SSBP2: variants seen among roughly 807,000 people sequenced by gnomAD.
The protein encoded by SSBP2 is single stranded DNA binding protein 2.
SSBP2 carries 17 observed loss-of-function variants against 61.8 expected under a neutral mutation model. That is an observed-to-expected ratio of 0.28 (90% confidence interval 0.19 to 0.41). The LOEUF (loss-of-function observed/expected upper bound fraction) is 0.41. Ranked by LOEUF, SSBP2 falls within the 10% of genes least tolerant of loss-of-function variation. The pLI is 1.00. For synonymous variants in SSBP2, 139 were observed against 141.3 expected (o/e 0.98, Z 0.12); for missense variants, 310 against 458.7 (o/e 0.68, Z 2.96).
chr5:81,566,325 G>C (rs1773420614), intron 4 of SSBP2, among the ~76,000 whole-genome samples: 1 of 152,150 alleles, frequency 6.6e-6, no homozygotes, highest in African/African-American at 2.4e-5. Flanking sequence ...CACCTGGTAG[G>C]AGATAACTGA....
rs149889970 is a variant in SSBP2 at position 81,687,766 on chromosome 5, C to G, written c.63-37427G>C. On this transcript the variant is annotated intron_variant, in intron 1 of 16. Transcript: ENST00000320672. ...ACATCCTGGGCCTGTAGGGAACCCACTGTCTTGAAGGGAAGAACCCAGTCT... is the reference window on the plus strand; with the variant it reads ...ACATCCTGGGCCTGTAGGGAACCCAGTGTCTTGAAGGGAAGAACCCAGTCT... Among the ~76,000 whole-genome samples, 604 of 152,290 alleles carry G rather than the reference C, an allele frequency of 4.0e-3. 13 individuals are homozygous for G. Among genetic ancestry groups the G allele is most frequent in the Admixed American group, 0.035 (531 of 15,292 alleles).
At chr5:81,689,813 C>T (rs1227449259) in intron 1 of SSBP2, among the ~76,000 whole-genome samples, 1 of 152,010 alleles carries the variant, frequency 6.6e-6, no homozygotes. Context: ...AATATTGTGA[C>T]ACTGTAATTG....
At chr5:81,636,303 C>A (rs1372217093) in intron 3 of SSBP2, among the ~76,000 whole-genome samples, 1 of 152,056 alleles carries the variant, frequency 6.6e-6, no homozygotes. Context: ...TTATGGCATC[C>A]CAAGCCGTTA....
intron 5 of SSBP2, among the ~76,000 whole-genome samples, chr5:81,509,603 T>G (rs1226394749): frequency 6.6e-6 from 1 of 152,172 alleles, no homozygotes; most frequent in African/African-American, 2.4e-5. Flanking sequence ...TTTTTTAAAT[T>G]TTTGGTACTT....
intron 12 of SSBP2, among the ~76,000 whole-genome samples, chr5:81,444,629 G>A (rs1215196654): frequency 6.6e-6 from 1 of 152,072 alleles, no homozygotes. Context: ...TCACACACAA[G>A]ATTAACTTTA....
intron 6 of SSBP2, among the ~76,000 whole-genome samples, chr5:81,486,264 C>T (rs1408236670): frequency 2.6e-5 from 4 of 152,174 alleles, no homozygotes; most frequent in South Asian, 2.1e-4. Context: ...AATACCTGTT[C>T]GTAAAATTTG....
intron 1 of SSBP2, among the ~76,000 whole-genome samples, chr5:81,655,510 G>C (rs1373530848): frequency 6.6e-6 from 1 of 152,032 alleles, no homozygotes; most frequent in African/African-American, 2.4e-5. Context: ...TTTTAAACTG[G>C]ATATCAGTGA....
At chr5:81,489,219 A>T (rs770645440) in intron 6 of SSBP2, 31 bp downstream of exon 6, 1 of 1,562,608 alleles carries the variant, frequency 6.4e-7, no homozygotes, top group Non-Finnish European at 8.8e-7. Context: ...TTTGATTCTT[A>T]CAAAAAACTT....
At chr5:81,662,034 G>C (rs1750737647) in intron 1 of SSBP2, among the ~76,000 whole-genome samples, 1 of 151,898 alleles carries the variant, frequency 6.6e-6, no homozygotes, top group Non-Finnish European at 1.5e-5. Flanking sequence ...ATGAGATGAG[G>C]GTCTAATTTC....
chr5:81,456,364 T>C (rs889788583), intron 10 of SSBP2, among the ~76,000 whole-genome samples: 1 of 151,764 alleles, frequency 6.6e-6, no homozygotes, highest in African/African-American at 2.4e-5. Context: ...TTTTTTTTTT[T>C]TCATGTGGCT....
chr5:81,657,213 T>A (rs1581267140), intron 1 of SSBP2, among the ~76,000 whole-genome samples: 1 of 152,298 alleles, frequency 6.6e-6, no homozygotes, highest in East Asian at 1.9e-4. Context: ...TCCTTTTATA[T>A]CCCAGCAATT....
At chr5:81,579,587 C>T (rs574536935) in intron 4 of SSBP2, among the ~76,000 whole-genome samples, 1 of 152,282 alleles carries the variant, frequency 6.6e-6, no homozygotes, top group East Asian at 1.9e-4. Flanking sequence ...TTAGCTGCTT[C>T]TGTCCTCATC....
At chr5:81,637,446 C>T (rs989242707) in intron 2 of SSBP2, among the ~76,000 whole-genome samples, 4 of 152,174 alleles carry the variant, frequency 2.6e-5, no homozygotes, top group Non-Finnish European at 5.9e-5. Flanking sequence ...AAACACTCAG[C>T]GTGCTTTTAA....
In SSBP2 at chr5:81,424,728, G is replaced by A. The variant is rs79959215; in HGVS notation, c.1056+3857C>T. On this transcript the variant is annotated intron_variant, in intron 16 of 16. Transcript: ENST00000320672. ...GAATGGGCAAGCAAAAAGGAATTTT[G>A]CTATAGATTACTATTCTTCAAAGTA... is the stretch of plus-strand genomic sequence containing the variant. Among the ~76,000 whole-genome samples the A allele has an allele frequency of 4.6e-3, 708 of 152,268 alleles. 2 individuals carry two copies. The highest frequency in any genetic ancestry group is 7.5e-3 in the Non-Finnish European group (507 of 68,020).
intron 8 of SSBP2, 21 bp downstream of exon 8, chr5:81,473,679 A>T: frequency 6.2e-7 from 1 of 1,612,024 alleles, no homozygotes; most frequent in Non-Finnish European, 8.5e-7. Context: ...TTGCTATTGT[A>T]AATATGCACT....
chr5:81,474,461 G>A (rs372529283), intron 7 of SSBP2, 35 bp downstream of exon 7: 11 of 1,565,664 alleles, frequency 7.0e-6, no homozygotes, highest in Non-Finnish European at 8.8e-6. Flanking sequence ...CTATGGTTCT[G>A]CACATCAATT....
chr5:81,706,270 G>A (rs1754387414), intron 1 of SSBP2, among the ~76,000 whole-genome samples: 2 of 152,138 alleles, frequency 1.3e-5, no homozygotes, highest in South Asian at 4.1e-4. Flanking sequence ...TTAGAAGTGG[G>A]AGCTAAACAC....
intron 5 of SSBP2, among the ~76,000 whole-genome samples, chr5:81,501,566 T>C (rs1344824782): frequency 2.1e-5 from 3 of 140,406 alleles, no homozygotes; most frequent in African/African-American, 7.8e-5. Context: ...TTCTTTTCTT[T>C]TTTTTTTTTT....
chr5:81,639,587 G>A (rs1239500726), intron 2 of SSBP2, among the ~76,000 whole-genome samples: 3 of 150,586 alleles, frequency 2.0e-5, no homozygotes, highest in South Asian at 4.2e-4. Flanking sequence ...CAGTAAAGTG[G>A]AATTACAACT....
Sources: gnomAD v4.1 joint callset for allele counts (sites outside exome capture counted in the v4.1 genomes callset) on GRCh38, gnomAD v4.1.1 for gene constraint, MANE v1.5 for transcripts, NCBI Gene and HGNC (gene_info 2026-07-23, HGNC 2026-07-21) for gene names.